Variants in MACROD2 observed in about 807,000 individuals in gnomAD.
MACROD2 encodes ADP-ribose glycohydrolase MACROD2.
Under a neutral mutation model 70.4 loss-of-function variants are expected in MACROD2, and 36 were observed. The observed-to-expected ratio is 0.51, with a 90% CI of 0.39 to 0.68. The LOEUF is 0.68. MACROD2 is among the 30% of genes least tolerant of loss of function. MACROD2 has a pLI of 0.00. For synonymous variants in MACROD2, 172 were observed against 178.8 expected (o/e 0.96, Z 0.30); for missense variants, 496 against 538.4 (o/e 0.92, Z 0.78).
intron 3 of MACROD2, among the ~76,000 whole-genome samples, chr20:14,429,202 T>C (rs1439728166): frequency 6.6e-6 from 1 of 152,114 alleles, no homozygotes; most frequent in Admixed American, 6.6e-5. Flanking sequence ...GGTTCTAAGG[T>C]TGTAAGAAAG....
At chr20:15,223,371 T>C (rs753428834) in intron 5 of MACROD2, among the ~76,000 whole-genome samples, 26 of 152,228 alleles carry the variant, frequency 1.7e-4, no homozygotes, top group Non-Finnish European at 3.5e-4. Context: ...AACATCACTT[T>C]CACCACTCAT....
intron 6 of MACROD2, among the ~76,000 whole-genome samples, chr20:15,337,319 T>A (rs1411897056): frequency 6.6e-6 from 1 of 151,596 alleles, no homozygotes; most frequent in African/African-American, 2.4e-5. Flanking sequence ...TCCCAGAGAG[T>A]CTAGGGCAAA....
At chr20:15,858,942 A>G (rs906907998) in intron 8 of MACROD2, among the ~76,000 whole-genome samples, 1 of 152,220 alleles carries the variant, frequency 6.6e-6, no homozygotes, top group African/African-American at 2.4e-5. Context: ...AGTGCAGTCA[A>G]AAATCCATGT....
intron 3 of MACROD2, among the ~76,000 whole-genome samples, chr20:14,304,493 T>G (rs184941061): frequency 6.6e-6 from 1 of 152,368 alleles, no homozygotes; most frequent in East Asian, 1.9e-4. Context: ...TGTGGTTGAC[T>G]AAACTCCCCC....
intron 6 of MACROD2, among the ~76,000 whole-genome samples, chr20:15,319,648 C>T (rs1361425519): frequency 6.6e-6 from 1 of 152,136 alleles, no homozygotes; most frequent in Non-Finnish European, 1.5e-5. Context: ...TAGGTAAATA[C>T]CCCAAAGAGT....
chr20:14,607,737 A>G (rs528338629), intron 4 of MACROD2, among the ~76,000 whole-genome samples: 2 of 152,322 alleles, frequency 1.3e-5, no homozygotes, highest in Non-Finnish European at 2.9e-5. Context: ...TGCTGGAGCC[A>G]CTTTATGAAT....
At chr20:14,194,539 G>A (rs912389265) in intron 3 of MACROD2, among the ~76,000 whole-genome samples, 4 of 152,268 alleles carry the variant, frequency 2.6e-5, no homozygotes, top group Non-Finnish European at 4.4e-5. Flanking sequence ...CCAGGATAAA[G>A]CAGGAAGCTC....
intron 9 of MACROD2, among the ~76,000 whole-genome samples, chr20:15,875,780 A>G (rs1356055898): frequency 6.6e-6 from 1 of 151,970 alleles, no homozygotes; most frequent in Admixed American, 6.6e-5. Context: ...GGTAAAACAG[A>G]CACAACTAAA....
At chr20:14,871,678 C>A (rs967574413) in intron 5 of MACROD2, among the ~76,000 whole-genome samples, 1 of 151,954 alleles carries the variant, frequency 6.6e-6, no homozygotes, top group Non-Finnish European at 1.5e-5. Flanking sequence ...TGAATACTAA[C>A]CTTGAATATA....
intron 3 of MACROD2, among the ~76,000 whole-genome samples, chr20:14,251,729 A>G (rs1261421722): frequency 1.3e-5 from 2 of 152,110 alleles, no homozygotes; most frequent in African/African-American, 2.4e-5. Flanking sequence ...AAATATCTTC[A>G]CTATGTTTGT....
chr20:14,013,403 G>C (rs1376159500), intron 2 of MACROD2, among the ~76,000 whole-genome samples: 1 of 151,540 alleles, frequency 6.6e-6, no homozygotes, highest in African/African-American at 2.4e-5. Context: ...CTCCCGAGTA[G>C]CTAGGACTAC....
intron 5 of MACROD2, among the ~76,000 whole-genome samples, chr20:14,824,016 A>C (rs930903721): frequency 2.0e-5 from 3 of 152,136 alleles, no homozygotes; most frequent in African/African-American, 7.2e-5. Flanking sequence ...ATTTCTAAAA[A>C]TCATGGACTG....
intron 3 of MACROD2, among the ~76,000 whole-genome samples, chr20:14,215,457 G>A (rs144049530): frequency 3.4e-3 from 517 of 151,372 alleles, no homozygotes; most frequent in East Asian, 0.011. Context: ...GAATTGTGCT[G>A]CTATAAACAT....
At chr20:15,088,662 G>T (rs1007811088) in intron 5 of MACROD2, among the ~76,000 whole-genome samples, 2 of 151,602 alleles carry the variant, frequency 1.3e-5, no homozygotes. Context: ...GAAGAGAGTT[G>T]CTGGGGATGA....
At chr20:14,861,393 C>A (rs1555839376) in intron 5 of MACROD2, among the ~76,000 whole-genome samples, 1 of 151,876 alleles carries the variant, frequency 6.6e-6, no homozygotes, top group Non-Finnish European at 1.5e-5. Context: ...GACGTAATGA[C>A]TTTTTTTTGT....
chr20:15,519,055 T>TTCC lies in MACROD2; in HGVS notation c.645+19209_645+19210insCCT, dbSNP rs2047608581. Among the ~76,000 whole-genome samples the TTCC allele has an allele frequency of 8.6e-5, 10 of 116,426 alleles. No homozygotes were observed. The East Asian group carries it at 2.5e-3, about 29-fold the overall frequency. 76.4% of individuals were successfully genotyped at this position (116,426 alleles called of 152,430 possible). A position where few individuals can be genotyped will look rare whatever the true frequency, so the allele number is the denominator to read the frequency against. ...TGAAGTAGGAACTGTTAACTCGCTC[T>TTCC]TTCCTTCCTTCCTTCCTTCCTTCCT... On this transcript the variant is annotated intron_variant, in intron 8 of 17. Coordinates refer to ENST00000684519, the MANE Select transcript of MACROD2 (RefSeq NM_001351661.2).
At chr20:14,460,999 G>C (rs2084363382) in intron 3 of MACROD2, among the ~76,000 whole-genome samples, 1 of 151,886 alleles carries the variant, frequency 6.6e-6, no homozygotes, top group African/African-American at 2.4e-5. Context: ...CAGAGGGAAT[G>C]GTACCAGCTC....
At chr20:14,902,338 G>C (rs1398871957) in intron 5 of MACROD2, among the ~76,000 whole-genome samples, 1 of 152,122 alleles carries the variant, frequency 6.6e-6, no homozygotes, top group Non-Finnish European at 1.5e-5. Context: ...AGCAAAAGTT[G>C]GCAGGCCGCA....
intron 5 of MACROD2, among the ~76,000 whole-genome samples, chr20:15,094,254 G>A (rs2075812818): frequency 6.6e-6 from 1 of 152,016 alleles, no homozygotes; most frequent in African/African-American, 2.4e-5. Context: ...ATACTTTGAT[G>A]TACTTATTTG....
Sources: gnomAD v4.1 joint callset for allele counts (sites outside exome capture counted in the v4.1 genomes callset) on GRCh38, gnomAD v4.1.1 for gene constraint, MANE v1.5 for transcripts, NCBI Gene and HGNC (gene_info 2026-07-23, HGNC 2026-07-21) for gene names.